The following DYNC1I2 variants were observed in gnomAD, a reference collection of about 807,000 sequenced individuals.
DYNC1I2 encodes the protein cytoplasmic dynein 1 intermediate chain 2.
DYNC1I2 carries 53 observed loss-of-function variants against 88.6 expected under a neutral mutation model. The observed-to-expected ratio is 0.60, with a 90% confidence interval of 0.48 to 0.75. The LOEUF is 0.75. Ranked by LOEUF, DYNC1I2 falls within the 30% of genes least tolerant of loss-of-function variation. DYNC1I2 has a pLI of 0.00. For missense variants in DYNC1I2, 458 were observed against 766.6 expected (o/e 0.60, Z 4.75); for synonymous variants, 198 against 254.6 (o/e 0.78, Z 2.12).
chr2:171,694,291 G>GTGTTCATATT (rs112406167), intron 3 of DYNC1I2, among the ~76,000 whole-genome samples: 2,465 of 152,016 alleles, frequency 0.016, 56 homozygotes, highest in African/African-American at 0.052. Flanking sequence ...CACCCCTAAA[G>GTGTTCATATT]TGTTCATATT....
chr2:171,721,051 C>T (rs13025048), intron 7 of DYNC1I2, among the ~76,000 whole-genome samples: 1 of 140,024 alleles, frequency 7.1e-6, no homozygotes, highest in East Asian at 2.1e-4. Context: ...ACTCAGGAGG[C>T]TGAGACAGGA....
intron 7 of DYNC1I2, among the ~76,000 whole-genome samples, chr2:171,722,296 C>T (rs1015472778): frequency 6.6e-6 from 1 of 152,126 alleles, no homozygotes; most frequent in African/African-American, 2.4e-5. Context: ...AGTAAAAATT[C>T]AGTGGTTCAT....
intron 15 of DYNC1I2, 111 bp from the exon 16 acceptor site, chr2:171,743,937 TA>T: frequency 1.0e-6 from 1 of 980,506 alleles, no homozygotes; most frequent in Non-Finnish European, 1.4e-6. Flanking sequence ...TTAAATATCA[TA>T]AAATGTTATC....
At chr2:171,736,435 G>A (rs968467592) in intron 15 of DYNC1I2, among the ~76,000 whole-genome samples, 1 of 152,172 alleles carries the variant, frequency 6.6e-6, no homozygotes, top group African/African-American at 2.4e-5. Flanking sequence ...ACTCCTGTGA[G>A]CCTGACCAGC....
intron 2 of DYNC1I2, among the ~76,000 whole-genome samples, chr2:171,692,224 A>ATT (rs1292549677): frequency 6.6e-6 from 1 of 152,186 alleles, no homozygotes; most frequent in Non-Finnish European, 1.5e-5. Context: ...GCTGACAAAA[A>ATT]TTTTCATAAC....
intron 16 of DYNC1I2, 69 bp from the exon 17 acceptor site, chr2:171,745,733 A>C: frequency 6.8e-7 from 1 of 1,473,470 alleles, no homozygotes; most frequent in Non-Finnish European, 9.2e-7. Flanking sequence ...GAGAAGAATT[A>C]CTGTTTTACA....
chr2:171,704,019 G>C lies in DYNC1I2; in HGVS notation c.227-2528G>C, dbSNP rs191941990. Among the ~76,000 whole-genome samples the C allele has an allele frequency of 7.2e-5, 11 of 152,206 alleles. No homozygotes were observed. In the East Asian group the frequency reaches 2.1e-3, roughly 29 times the overall value. ...TGATAAAAACCCCTTCTTGCCAGAG[G>C]CTTTCTTCTACTTGAAAAATAATTC... On this transcript the variant is annotated intron_variant, in intron 3 of 17. Coordinates refer to ENST00000397119, the MANE Select transcript of DYNC1I2 (RefSeq NM_001378.3).
chr2:171,744,287 G>T, intron 16 of DYNC1I2, 98 bp downstream of exon 16: 1 of 1,289,584 alleles, frequency 7.8e-7, no homozygotes. Flanking sequence ...AATGTAAAAG[G>T]GTTCTGTGAT....
At chr2:171,742,384 C>T (rs373493606) in intron 15 of DYNC1I2, among the ~76,000 whole-genome samples, 4 of 152,044 alleles carry the variant, frequency 2.6e-5, no homozygotes, top group African/African-American at 9.7e-5. Flanking sequence ...TGTTGCCAAG[C>T]TGGTCTCAAA....
chr2:171,728,511 T>G, intron 13 of DYNC1I2, 93 bp downstream of exon 13: 1 of 853,526 alleles, frequency 1.2e-6, no homozygotes, highest in Non-Finnish European at 1.8e-6. Flanking sequence ...AACTGTTTTA[T>G]AGTAGTGTTA....
Position 171,715,405 on chromosome 2 carries a change from A to G in DYNC1I2, c.473A>G (p.Lys158Arg). Reference protein sequence around the residue: ...FPPREIVTYTKETQTPVMAQP... With the variant: ...FPPREIVTYTRETQTPVMAQP... ...CCTCGAGAAATTGTCACGTATACAAAGGAAACTCAGACTCCAGTTATGGCT... is the reference window on the plus strand; with the variant it reads ...CCTCGAGAAATTGTCACGTATACAAGGGAAACTCAGACTCCAGTTATGGCT... The change falls in exon 7 of 18, where the codon AAG becomes AGG. Residue 158 changes from lysine to arginine, a missense_variant. Transcript: ENST00000397119. 6.4e-7 allele frequency: 1 copy of G among 1,568,574 alleles called. No individual in the cohort carries two copies. The highest frequency in any genetic ancestry group is 1.2e-5 in the South Asian group (1 of 85,040).
rs969545153 is a variant in DYNC1I2, at chr2:171,688,245, T to C, written c.-10+618T>C. On this transcript the variant is annotated intron_variant, in intron 1 of 17. Coordinates refer to ENST00000397119, the MANE Select transcript of DYNC1I2 (RefSeq NM_001378.3). ...CTTGATAGTGTCTCCCCTCACCTTA[T>C]GTGTGATGGAAAGCCCCCGAACACG... is the stretch of plus-strand genomic sequence containing the variant. 3 of 152,164 alleles carry C rather than the reference T, an allele frequency of 2.0e-5. No homozygotes were observed. The East Asian group carries it at 5.8e-4, about 29-fold the overall frequency. The allele number at this position is 152,164 out of a possible 1,614,324, so 9.4% of individuals were successfully genotyped here.
At chr2:171,729,410 A>AT (rs1317537757) in intron 14 of DYNC1I2, among the ~76,000 whole-genome samples, 1 of 152,130 alleles carries the variant, frequency 6.6e-6, no homozygotes, top group Non-Finnish European at 1.5e-5. Flanking sequence ...AGTAGCCCAG[A>AT]TTGTCTCTCT....
rs373704818 is a variant in DYNC1I2 at position 171,727,924 on chromosome 2, G to T, written c.1100G>T (p.Arg367Ile). The change falls in exon 12 of 18, where the codon AGA (arginine) becomes ATA (isoleucine). Residue 367 changes from arginine to isoleucine, a missense_variant. Arg to Ile is a moderately conservative substitution (Grantham distance 97, BLOSUM62 -3). Around this residue, in one of 5 missense-constraint regions of DYNC1I2, gnomAD observed 203 missense variants for 354.2 expected, o/e 0.57. Coordinates refer to ENST00000397119, the MANE Select transcript of DYNC1I2 (RefSeq NM_001378.3). ...CTTTGGGATAACCGTAGCAATAAAA[G>T]AACTCCAGTGCAAAGAACTCCACTG... ...IVLWDNRSNK[R>I]TPVQRTPLSA... 1 of 1,613,232 alleles carries T rather than the reference G, an allele frequency of 6.2e-7. No individual in the cohort carries two copies. The highest frequency in any genetic ancestry group is 1.1e-5 in the South Asian group (1 of 91,038).
rs957963282 is a variant in DYNC1I2, at chr2:171,747,447, TA to T, written c.1804-319del. ...TACTAGGAATTTTGCAAGAATACAG[TA>T]AAAAAAAAATTTTAAGGAATTCCTC... is the stretch of plus-strand genomic sequence containing the variant. On this transcript the variant is annotated intron_variant, in intron 17 of 17. Coordinates refer to ENST00000397119, the MANE Select transcript of DYNC1I2 (RefSeq NM_001378.3). Among the ~76,000 whole-genome samples the T allele has an allele frequency of 9.2e-4, 138 of 149,664 alleles. 1 individual carries two copies. Among genetic ancestry groups the T allele is most frequent in the Non-Finnish European group, 1.4e-3 (92 of 67,260 alleles).
At chr2:171,728,232 T>G (rs1340061696) in intron 12 of DYNC1I2, 73 bp from the exon 13 acceptor site, 1 of 914,256 alleles carries the variant, frequency 1.1e-6, no homozygotes, top group Non-Finnish European at 1.6e-6. Context: ...AACAGAATGC[T>G]TATAATTAGA....
intron 3 of DYNC1I2, among the ~76,000 whole-genome samples, chr2:171,698,967 A>G (rs912094326): frequency 2.6e-5 from 4 of 151,012 alleles, no homozygotes; most frequent in Admixed American, 6.6e-5. Flanking sequence ...CCATAGTGTT[A>G]GGATTACTGG....
intron 4 of DYNC1I2, chr2:171,706,926 A>G: frequency 4.8e-6 from 2 of 416,194 alleles, no homozygotes; most frequent in South Asian, 7.4e-5. Flanking sequence ...TAATCTGGTG[A>G]TATTAAAAGT....
intron 14 of DYNC1I2, 60 bp downstream of exon 14, chr2:171,728,910 A>C (rs1430943948): frequency 6.6e-7 from 1 of 1,507,838 alleles, no homozygotes; most frequent in African/African-American, 1.4e-5. Context: ...CATTGAAACA[A>C]ATTGTCTTAT....
Sources: gnomAD v4.1 joint callset for allele counts (sites outside exome capture counted in the v4.1 genomes callset) on GRCh38, gnomAD v4.1.1 for gene constraint, gnomAD v4.1.1 regional missense constraint, MANE v1.5 for transcripts, NCBI Gene and HGNC (gene_info 2026-07-23, HGNC 2026-07-21) for gene names.